The following ANO4 variants were observed in gnomAD, a reference collection of about 807,000 sequenced individuals.
The protein encoded by ANO4 is anoctamin 4.
In ANO4, 69 loss-of-function variants were observed where a neutral mutation model predicts 141.9. That is an observed-to-expected ratio of 0.49 (90% CI 0.40 to 0.59). The LOEUF is 0.59. ANO4 is among the 20% of genes least tolerant of loss of function. The pLI, the probability that ANO4 is intolerant of heterozygous loss-of-function variation, is 0.00. For missense variants in ANO4, 894 were observed against 1,162.2 expected (o/e 0.77, Z 3.36); for synonymous variants, 350 against 394.3 (o/e 0.89, Z 1.33).
intron 1 of ANO4, among the ~76,000 whole-genome samples, chr12:100,829,828 T>A (rs2135768346): frequency 6.6e-6 from 1 of 152,200 alleles, no homozygotes; most frequent in East Asian, 1.9e-4. Context: ...CTTTGTGAAG[T>A]GGGTGCCATA....
chr12:101,067,392 G>C (rs1395739171), intron 14 of ANO4, among the ~76,000 whole-genome samples: 1 of 152,204 alleles, frequency 6.6e-6, no homozygotes, highest in African/African-American at 2.4e-5. Context: ...TATGTGATAA[G>C]ATTTCTCAAA....
At chr12:100,884,746 G>A (rs1038547841) in intron 1 of ANO4, among the ~76,000 whole-genome samples, 1 of 152,184 alleles carries the variant, frequency 6.6e-6, no homozygotes, top group African/African-American at 2.4e-5. Context: ...CCAGGCTGGA[G>A]TGCAGTGGTG....
At chr12:100,957,125 T>A (rs966750588) in intron 5 of ANO4, among the ~76,000 whole-genome samples, 1 of 152,232 alleles carries the variant, frequency 6.6e-6, no homozygotes, top group African/African-American at 2.4e-5. Flanking sequence ...GAAAATATTA[T>A]CATTTAGTTC....
intron 2 of ANO4, among the ~76,000 whole-genome samples, chr12:100,919,672 G>T (rs113218684): frequency 1.5e-5 from 1 of 65,328 alleles, no homozygotes; most frequent in Non-Finnish European, 3.5e-5. Context: ...ACATGTCTCT[G>T]TGTGTGTGTG....
chr12:100,747,476 TCCATAAGCAGGAATCATTGAGAACTCTTC>T, intron 3 of ANO4, among the ~76,000 whole-genome samples: 1 of 152,216 alleles, frequency 6.6e-6, no homozygotes, highest in Non-Finnish European at 1.5e-5. Flanking sequence ...TCCCTGCATT[TCCATAAGCAGGAATCATTGAGAACTCTTC>T]CCTTTGCCTT....
At chr12:100,772,532 C>T (rs139526664) in intron 3 of ANO4, among the ~76,000 whole-genome samples, 182 of 152,284 alleles carry the variant, frequency 1.2e-3, no homozygotes, top group Non-Finnish European at 1.9e-3. Flanking sequence ...AAAACCTCAA[C>T]CCTGGGATGT....
At chr12:101,041,435 C>T (rs768334575) in intron 11 of ANO4, among the ~76,000 whole-genome samples, 16 of 152,182 alleles carry the variant, frequency 1.1e-4, no homozygotes, top group African/African-American at 2.7e-4. Flanking sequence ...TTCCCAGCCT[C>T]GGTGCCATGT....
intron 3 of ANO4, among the ~76,000 whole-genome samples, chr12:100,747,421 C>A (rs574916541): frequency 6.6e-6 from 1 of 152,298 alleles, no homozygotes; most frequent in East Asian, 1.9e-4. Flanking sequence ...GAAATTATGT[C>A]ATGAATCAAA....
intron 7 of ANO4, among the ~76,000 whole-genome samples, chr12:100,985,412 A>C (rs1278419656): frequency 6.6e-6 from 1 of 152,248 alleles, no homozygotes; most frequent in African/African-American, 2.4e-5. Flanking sequence ...TATATGTATT[A>C]ATAAGTTCAT....
chr12:101,098,695 T>A (rs2050076769), intron 21 of ANO4, among the ~76,000 whole-genome samples: 1 of 152,216 alleles, frequency 6.6e-6, no homozygotes, highest in Non-Finnish European at 1.5e-5. Context: ...AAATAAAACA[T>A]TAAACAAAAA....
intron 1 of ANO4, among the ~76,000 whole-genome samples, chr12:100,849,695 AT>A (rs938766304): frequency 3.3e-5 from 5 of 152,224 alleles, no homozygotes; most frequent in Middle Eastern, 3.4e-3. Context: ...CTGTGAATTC[AT>A]TTTTTCACCC....
At chr12:100,877,870 A>G (rs554069926) in intron 1 of ANO4, among the ~76,000 whole-genome samples, 1 of 152,268 alleles carries the variant, frequency 6.6e-6, no homozygotes, top group South Asian at 2.1e-4. Flanking sequence ...TTGCACATAA[A>G]TCTTCTCTGA....
intron 1 of ANO4, among the ~76,000 whole-genome samples, chr12:100,815,893 T>C (rs780152034): frequency 3.3e-5 from 5 of 152,082 alleles, no homozygotes; most frequent in African/African-American, 4.8e-5. Flanking sequence ...ATTTAAATAT[T>C]GCAGTAAGCA....
intron 8 of ANO4, 95 bp from the exon 9 acceptor site, chr12:101,019,939 A>G: frequency 1.1e-6 from 1 of 912,238 alleles, no homozygotes; most frequent in African/African-American, 1.7e-5. Flanking sequence ...GACTGACTGA[A>G]GACATCTGCA....
rs373885901 is a variant in ANO4, at chr12:100,939,323, G to T, written c.169G>T (p.Asp57Tyr). The T allele has an allele frequency of 1.9e-6, 3 of 1,613,064 alleles. No individual in the cohort carries two copies. The highest frequency in any genetic ancestry group is 2.5e-6 in the Non-Finnish European group (3 of 1,179,282). ...ILNAIQEMAK[D>Y]VNILFDELEA... The stretch of plus-strand genomic sequence containing the variant: ...ATTTACTTTGGTTCTAGTGGCCAAG[G>T]ATGTCAATATTCTTTTTGATGAATT... The change falls in exon 4 of 28, where the codon GAT (aspartate) becomes TAT (tyrosine). Residue 57 changes from aspartate to tyrosine, a missense_variant. Coordinates refer to ENST00000392977, the MANE Select transcript of ANO4 (RefSeq NM_001286615.2).
At chr12:101,049,504 T>G (rs2047772090) in intron 14 of ANO4, among the ~76,000 whole-genome samples, 1 of 151,394 alleles carries the variant, frequency 6.6e-6, no homozygotes. Flanking sequence ...TTTTTTGAGA[T>G]AGATGGAATC....
At chr12:100,797,702 G>A (rs180834626) in intron 1 of ANO4, among the ~76,000 whole-genome samples, 22 of 151,848 alleles carry the variant, frequency 1.4e-4, no homozygotes. Context: ...TGCTTTCACT[G>A]TTTCTTTTGG....
intron 14 of ANO4, among the ~76,000 whole-genome samples, chr12:101,063,586 G>A (rs2048437484): frequency 6.6e-6 from 1 of 151,862 alleles, no homozygotes; most frequent in South Asian, 2.1e-4. Context: ...AAGTGAGTTA[G>A]GAAACGTACT....
intron 7 of ANO4, among the ~76,000 whole-genome samples, chr12:100,978,078 A>T (rs2044284926): frequency 6.6e-6 from 1 of 152,120 alleles, no homozygotes; most frequent in African/African-American, 2.4e-5. Flanking sequence ...TTTCCATTAG[A>T]ATCCTATGGC....
Sources: gnomAD v4.1 joint callset for allele counts (sites outside exome capture counted in the v4.1 genomes callset) on GRCh38, gnomAD v4.1.1 for gene constraint, MANE v1.5 for transcripts, NCBI Gene and HGNC (gene_info 2026-07-23, HGNC 2026-07-21) for gene names.